The following ZMAT4 variants were observed in gnomAD, a reference collection of about 807,000 sequenced individuals.
ZMAT4 encodes the protein zinc finger matrin-type protein 4.
A neutral mutation model predicts 28.7 loss-of-function variants in ZMAT4; 17 were observed. The observed-to-expected ratio is 0.59, with a 90% confidence interval of 0.41 to 0.89. The LOEUF is 0.89. Among genes scored for constraint, ZMAT4 ranks in the 40% least tolerant of loss-of-function variants. The pLI is 0.00. For synonymous variants in ZMAT4, 117 were observed against 109.2 expected (o/e 1.07, Z -0.44); for missense variants, 240 against 283.8 (o/e 0.85, Z 1.11).
At chr8:40,752,111 A>C (rs1242572757) in intron 3 of ZMAT4, among the ~76,000 whole-genome samples, 3 of 152,148 alleles carry the variant, frequency 2.0e-5, no homozygotes, top group African/African-American at 4.8e-5. Context: ...GGAAGCACAT[A>C]TCAGATCACT....
rs371879946 is a variant in ZMAT4, at chr8:40,674,789, A to G, written c.492T>C (p.Tyr164=). The G allele has an allele frequency of 5.6e-6, 9 of 1,613,864 alleles. No individual in the cohort carries two copies. The highest frequency in any genetic ancestry group is 7.6e-6 in the Non-Finnish European group (9 of 1,179,938). ...FNNPLMAQQH[Y]DGKKHKKNAA... ...CATTCTTTTTGTGTTTCTTGCCATC[A>G]TAATGTTGCTGGGCCATCAGAGGGT... The change falls in exon 5 of 7, where the codon TAT becomes TAC. Residue 164 remains tyrosine (Y), a synonymous_variant. Transcript: ENST00000297737.
intron 4 of ZMAT4, among the ~76,000 whole-genome samples, chr8:40,690,170 G>A (rs1028423925): frequency 3.9e-5 from 6 of 152,146 alleles, no homozygotes; most frequent in Non-Finnish European, 2.9e-5. Context: ...AATCCTACTC[G>A]CTGTAGGATA....
At chr8:40,593,609 A>G (rs1307302936) in intron 5 of ZMAT4, among the ~76,000 whole-genome samples, 3 of 152,212 alleles carry the variant, frequency 2.0e-5, no homozygotes, top group African/African-American at 4.8e-5. Context: ...CCTCCACTTT[A>G]GAGCTTTACC....
In ZMAT4 at chr8:40,849,754, G is replaced by A. The variant is rs557861539; in HGVS notation, c.-4-24074C>T. The stretch of plus-strand genomic sequence containing the variant: ...GTCTCATTCATGAGGATCTCCTTCC[G>A]TGTCTAGATCAGTGGTTGGCACAGA... On this transcript the variant is annotated intron_variant, in intron 1 of 6. Coordinates refer to ENST00000297737, the MANE Select transcript of ZMAT4 (RefSeq NM_024645.3). 1.6e-4 allele frequency among the ~76,000 whole-genome samples: 25 copies of A among 152,266 alleles called. No homozygotes were observed. The South Asian group carries it at 1.7e-3, about 10-fold the overall frequency.
intron 5 of ZMAT4, among the ~76,000 whole-genome samples, chr8:40,618,035 T>C (rs1486051288): frequency 6.6e-6 from 1 of 152,210 alleles, no homozygotes; most frequent in African/African-American, 2.4e-5. Context: ...CTTTAGAAGG[T>C]GTGATGGAAA....
At chr8:40,859,417 T>TTTGAGGG (rs1817411139) in intron 1 of ZMAT4, among the ~76,000 whole-genome samples, 5 of 151,818 alleles carry the variant, frequency 3.3e-5, no homozygotes, top group African/African-American at 1.2e-4. Flanking sequence ...CTTCAATCCC[T>TTTGAGGG]CAAAATCCCT....
chr8:40,794,329 C>A (rs1217216810), intron 2 of ZMAT4, among the ~76,000 whole-genome samples: 1 of 152,186 alleles, frequency 6.6e-6, no homozygotes, highest in African/African-American at 2.4e-5. Flanking sequence ...TCCCCTGACT[C>A]AGACATGGAG....
intron 5 of ZMAT4, among the ~76,000 whole-genome samples, chr8:40,658,659 CACACAA>C (rs1808046786): frequency 6.9e-6 from 1 of 145,096 alleles, no homozygotes; most frequent in African/African-American, 2.6e-5. Context: ...CACACACACA[CACACAA>C]ACACAAAACT....
chr8:40,820,073 A>G (rs1815692559), intron 2 of ZMAT4, among the ~76,000 whole-genome samples: 2 of 151,998 alleles, frequency 1.3e-5, no homozygotes, highest in Admixed American at 6.6e-5. Context: ...AATTGGTTCC[A>G]TTATACACCA....
intron 1 of ZMAT4, among the ~76,000 whole-genome samples, chr8:40,835,951 G>A (rs1183399116): frequency 6.6e-6 from 1 of 152,158 alleles, no homozygotes; most frequent in Non-Finnish European, 1.5e-5. Context: ...CCATGTAAAA[G>A]TATGTAGAGT....
At position 40,776,175 on chromosome 8, in the gene ZMAT4, C is replaced by T. The variant is rs150512791; in HGVS notation, c.103-8445G>A. 2.5e-4 allele frequency among the ~76,000 whole-genome samples: 38 copies of T among 152,348 alleles called. No homozygotes were observed. The East Asian group carries it at 6.6e-3, about 26-fold the overall frequency. On this transcript the variant is annotated intron_variant, in intron 2 of 6. Coordinates refer to ENST00000297737, the MANE Select transcript of ZMAT4 (RefSeq NM_024645.3). ...TTCTCCTGGGGTCTTTCTTCTTCTA[C>T]ACAGCAATCCGTTCAATTTCCAAAA...
At chr8:40,842,148 G>A (rs912112066) in intron 1 of ZMAT4, among the ~76,000 whole-genome samples, 1 of 152,216 alleles carries the variant, frequency 6.6e-6, no homozygotes, top group Non-Finnish European at 1.5e-5. Context: ...AGAAGCAAGT[G>A]TGGCTCCTGG....
At chr8:40,580,746 A>C (rs186580766) in intron 6 of ZMAT4, among the ~76,000 whole-genome samples, 1 of 152,334 alleles carries the variant, frequency 6.6e-6, no homozygotes, top group Non-Finnish European at 1.5e-5. Context: ...CATTGTATAT[A>C]AATGACTTAA....
At chr8:40,747,104 G>A (rs549980601) in intron 3 of ZMAT4, among the ~76,000 whole-genome samples, 12 of 152,202 alleles carry the variant, frequency 7.9e-5, no homozygotes, top group African/African-American at 2.4e-4. Context: ...GCCAGAATAC[G>A]CACGAAACTT....
chr8:40,833,299 G>A (rs1374264118), intron 1 of ZMAT4, among the ~76,000 whole-genome samples: 3 of 152,070 alleles, frequency 2.0e-5, no homozygotes, highest in Non-Finnish European at 4.4e-5. Context: ...GCTGGCCGTG[G>A]TGGCTCACAC....
chr8:40,563,722 C>T (rs1803821967), intron 6 of ZMAT4, among the ~76,000 whole-genome samples: 1 of 152,188 alleles, frequency 6.6e-6, no homozygotes, highest in Non-Finnish European at 1.5e-5. Flanking sequence ...TATCTCTCTC[C>T]ACCTCCAACT....
intron 3 of ZMAT4, among the ~76,000 whole-genome samples, chr8:40,737,842 T>TACCTACATC (rs1811837774): frequency 6.6e-6 from 1 of 151,996 alleles, no homozygotes; most frequent in Non-Finnish European, 1.5e-5. Flanking sequence ...AGGATAATAG[T>TACCTACATC]ACCTACATCA....
Position 40,710,182 on chromosome 8 carries a change from C to A in ZMAT4, c.193-12781G>T, listed in dbSNP as rs571343789. Among the ~76,000 whole-genome samples, 7 of 152,046 alleles carry A rather than the reference C, an allele frequency of 4.6e-5. No homozygotes were observed. In the South Asian group the frequency reaches 1.5e-3, roughly 32 times the overall value. On this transcript the variant is annotated intron_variant, in intron 3 of 6. Coordinates refer to ENST00000297737, the MANE Select transcript of ZMAT4 (RefSeq NM_024645.3). ...GTGAACTCAGATACCATAGATACAG[C>A]ATATTTAAAGATGGGGAGACACTGG...
At chr8:40,851,169 A>G (rs890260984) in intron 1 of ZMAT4, among the ~76,000 whole-genome samples, 3 of 152,130 alleles carry the variant, frequency 2.0e-5, no homozygotes, top group African/African-American at 7.2e-5. Flanking sequence ...TCTGCTAAAA[A>G]TATAAAACTT....
Sources: allele counts gnomAD v4.1 joint callset (sites outside exome capture counted in the v4.1 genomes callset), GRCh38; gene constraint gnomAD v4.1.1; transcripts MANE v1.5; gene names NCBI Gene and HGNC (gene_info 2026-07-23, HGNC 2026-07-21).